AGBL1: variants seen among roughly 807,000 people sequenced by gnomAD.
AGBL1 encodes AGBL carboxypeptidase 1, also known as cytosolic carboxypeptidase 4.
A neutral mutation model predicts 118.9 loss-of-function variants in AGBL1; 130 were observed. The observed-to-expected ratio is 1.09, with a 90% CI of 0.95 to 1.26. AGBL1 has a LOEUF of 1.26. Ranked by LOEUF, AGBL1 falls within the 50% of genes most tolerant of loss-of-function variation. The probability of loss-of-function intolerance (pLI) is 0.00; values close to 1 mark genes in which losing one functional copy is unlikely to be tolerated. For missense variants in AGBL1, 1,584 were observed against 1,298.1 expected (o/e 1.22, Z -3.38); for synonymous variants, 555 against 478.9 (o/e 1.16, Z -2.08).
At chr15:86,580,987 G>A (rs533654386) in intron 21 of AGBL1, among the ~76,000 whole-genome samples, 2 of 152,152 alleles carry the variant, frequency 1.3e-5, no homozygotes, top group Admixed American at 1.3e-4. Flanking sequence ...TTGCTGTATT[G>A]TGCAGCCCTA....
At chr15:86,083,203 AAG>A (rs1491371688) in intron 1 of AGBL1, 1 of 151,996 alleles carries the variant, frequency 6.6e-6, no homozygotes, top group East Asian at 1.9e-4. Flanking sequence ...GGAAAAAAAA[AAG>A]AGGTGTCTCA....
intron 17 of AGBL1, among the ~76,000 whole-genome samples, chr15:86,315,976 A>G (rs576314374): frequency 6.6e-6 from 1 of 152,324 alleles, no homozygotes. Flanking sequence ...AACCTTATCT[A>G]TATTTAGTAC....
At chr15:86,580,244 G>A (rs2084155005) in intron 21 of AGBL1, among the ~76,000 whole-genome samples, 1 of 152,130 alleles carries the variant, frequency 6.6e-6, no homozygotes, top group Non-Finnish European at 1.5e-5. Flanking sequence ...ATTCTTCTGT[G>A]CACTCCAAAA....
chr15:86,682,280 CTGAT>C (rs1455520288), intron 22 of AGBL1, among the ~76,000 whole-genome samples: 2 of 152,110 alleles, frequency 1.3e-5, no homozygotes, highest in African/African-American at 4.8e-5. Flanking sequence ...GGGAAATGAA[CTGAT>C]TGGCCAGAAG....
At chr15:86,857,531 C>T (rs1031100547) in intron 22 of AGBL1, among the ~76,000 whole-genome samples, 1 of 152,218 alleles carries the variant, frequency 6.6e-6, no homozygotes, top group African/African-American at 2.4e-5. Flanking sequence ...GCCCCACCTG[C>T]CTCTACCTGG....
intron 21 of AGBL1, among the ~76,000 whole-genome samples, chr15:86,597,124 T>A (rs2084420498): frequency 7.8e-6 from 1 of 128,818 alleles, no homozygotes. Context: ...GTCTATCTAA[T>A]CTACCTATAT....
chr15:86,141,974 T>C (rs1486403170), intron 1 of AGBL1, 30 bp from the exon 2 acceptor site: 2 of 1,546,586 alleles, frequency 1.3e-6, no homozygotes, highest in African/African-American at 2.7e-5. Flanking sequence ...CTTGCATTCT[T>C]AAATATGGCT....
intron 21 of AGBL1, among the ~76,000 whole-genome samples, chr15:86,625,527 A>G (rs568971214): frequency 6.6e-6 from 1 of 151,984 alleles, no homozygotes; most frequent in East Asian, 1.9e-4. Flanking sequence ...TTTACAAACT[A>G]CACACAAATG....
At chr15:86,669,066 C>G (rs1014974297) in intron 21 of AGBL1, among the ~76,000 whole-genome samples, 1 of 151,942 alleles carries the variant, frequency 6.6e-6, no homozygotes, top group Non-Finnish European at 1.5e-5. Flanking sequence ...AAGAAAAGAG[C>G]GCTAACACCA....
rs116428090 is a variant in AGBL1, at chr15:86,504,646, T to C, written c.2556-18164T>C. ...CAATCTAGTCAGATTAAAACAAACT[T>C]AATTGCAATAGTGTACAAAATATGC... On this transcript the variant is annotated intron_variant, in intron 18 of 22. Coordinates refer to ENST00000614907, the MANE Select transcript of AGBL1 (RefSeq NM_001386094.1). Among the ~76,000 whole-genome samples, 745 of 151,768 alleles carry C rather than the reference T, an allele frequency of 4.9e-3. 8 individuals are homozygous for C. The highest frequency in any genetic ancestry group is 0.017 in the African/African-American group (711 of 41,506).
intron 24 of AGBL1, among the ~76,000 whole-genome samples, chr15:87,019,692 C>G (rs2081642524): frequency 6.6e-6 from 1 of 151,852 alleles, no homozygotes; most frequent in African/African-American, 2.4e-5. Flanking sequence ...AGTTAACAAC[C>G]TAACATCACA....
At chr15:86,857,977 G>T (rs1385455826) in intron 22 of AGBL1, among the ~76,000 whole-genome samples, 3 of 152,104 alleles carry the variant, frequency 2.0e-5, no homozygotes, top group Non-Finnish European at 2.9e-5. Context: ...GCTTTTATGA[G>T]CCCTTACCAG....
In AGBL1 at chr15:86,362,513, C is replaced by T. The variant is rs567768553; in HGVS notation, c.2375-34853C>T. ...TAGGTTTGCTTGAGGATCCATAATT[C>T]GGCTAAGTTCAGAGGGCCTGCTATA... On this transcript the variant is annotated intron_variant, in intron 17 of 22. Transcript: ENST00000614907. Among the ~76,000 whole-genome samples the T allele has an allele frequency of 9.9e-5, 15 of 152,272 alleles. No homozygotes were observed. The East Asian group carries it at 1.4e-3, about 14-fold the overall frequency.
At chr15:86,385,107 C>T (rs1484633233) in intron 17 of AGBL1, among the ~76,000 whole-genome samples, 1 of 152,064 alleles carries the variant, frequency 6.6e-6, no homozygotes, top group Non-Finnish European at 1.5e-5. Flanking sequence ...CTCTGTGCTG[C>T]AAGTATAAAG....
chr15:87,001,789 T>G (rs1403695981), intron 24 of AGBL1, among the ~76,000 whole-genome samples: 1 of 152,088 alleles, frequency 6.6e-6, no homozygotes, highest in African/African-American at 2.4e-5. Context: ...TTTTGAGAAG[T>G]GTCTGTTCAT....
intron 23 of AGBL1, among the ~76,000 whole-genome samples, chr15:86,984,254 G>T (rs1297001674): frequency 6.6e-6 from 1 of 151,858 alleles, no homozygotes; most frequent in African/African-American, 2.4e-5. Context: ...TAATGATGTT[G>T]AATATCTTTT....
chr15:86,539,563 T>G (rs542033277), intron 19 of AGBL1, among the ~76,000 whole-genome samples: 1 of 152,356 alleles, frequency 6.6e-6, no homozygotes, highest in East Asian at 1.9e-4. Flanking sequence ...TCTAGAATGA[T>G]GTACAAGTGC....
intron 22 of AGBL1, among the ~76,000 whole-genome samples, chr15:86,683,333 G>A (rs2085995398): frequency 6.6e-6 from 1 of 152,200 alleles, no homozygotes; most frequent in Middle Eastern, 3.4e-3. Flanking sequence ...GAAGATTAAT[G>A]TATACCATTA....
chr15:86,880,634 T>A (rs1567221427), intron 22 of AGBL1, among the ~76,000 whole-genome samples: 1 of 152,164 alleles, frequency 6.6e-6, no homozygotes, highest in Non-Finnish European at 1.5e-5. Context: ...ATGTGAATTG[T>A]GTGCATGTGT....
Sources: allele counts gnomAD v4.1 joint callset (sites outside exome capture counted in the v4.1 genomes callset), GRCh38; gene constraint gnomAD v4.1.1; transcripts MANE v1.5; gene names NCBI Gene and HGNC (gene_info 2026-07-23, HGNC 2026-07-21).